The following PRKAR2B variants were observed in gnomAD, a reference collection of about 807,000 sequenced individuals.
The protein encoded by PRKAR2B is protein kinase cAMP-dependent type II regulatory subunit beta.
A neutral mutation model predicts 49.9 loss-of-function variants in PRKAR2B; 14 were observed. The observed-to-expected ratio is 0.28, with a 90% CI of 0.19 to 0.44. PRKAR2B has a LOEUF of 0.44. Ranked by LOEUF, PRKAR2B falls within the 20% of genes least tolerant of loss-of-function variation. The pLI is 1.00. For synonymous variants in PRKAR2B, 196 were observed against 197.7 expected, an observed-to-expected ratio of 0.99 and a Z score of 0.07; for missense variants, 393 against 537.9, an observed-to-expected ratio of 0.73 and a Z score of 2.67.
chr7:107,064,449 A>T (rs1794092187), intron 1 of PRKAR2B, among the ~76,000 whole-genome samples: 2 of 152,164 alleles, frequency 1.3e-5, no homozygotes, highest in African/African-American at 4.8e-5. Flanking sequence ...CACGTGTCTG[A>T]GTGGGTTGGA....
At chr7:107,098,402 C>T (rs1794889249) in intron 2 of PRKAR2B, among the ~76,000 whole-genome samples, 1 of 152,144 alleles carries the variant, frequency 6.6e-6, no homozygotes, top group South Asian at 2.1e-4. Flanking sequence ...TTCTAGTTAG[C>T]CATTTGTCTA....
chr7:107,141,938 T>C (rs940851414), intron 5 of PRKAR2B, among the ~76,000 whole-genome samples: 1 of 152,248 alleles, frequency 6.6e-6, no homozygotes, highest in Non-Finnish European at 1.5e-5. Context: ...CTTTACCTCA[T>C]CATAGAACAA....
chr7:107,101,652 G>T (rs1034612192), intron 2 of PRKAR2B, among the ~76,000 whole-genome samples: 3 of 151,988 alleles, frequency 2.0e-5, no homozygotes, highest in African/African-American at 7.3e-5. Flanking sequence ...TCGGTTTTTT[G>T]GTTTTGTTTT....
chr7:107,076,885 T>G (rs1021871110), intron 2 of PRKAR2B, among the ~76,000 whole-genome samples: 2 of 152,210 alleles, frequency 1.3e-5, no homozygotes, highest in Non-Finnish European at 2.9e-5. Context: ...AAATGATTAT[T>G]CCCCAAGAAA....
chr7:107,111,332 C>A (rs1025714055), intron 2 of PRKAR2B, among the ~76,000 whole-genome samples: 1 of 152,200 alleles, frequency 6.6e-6, no homozygotes, highest in African/African-American at 2.4e-5. Flanking sequence ...TGGGAGCTCG[C>A]CACCATGAAG....
chr7:107,050,106 GC>G (rs1793773421), intron 1 of PRKAR2B, among the ~76,000 whole-genome samples: 1 of 152,086 alleles, frequency 6.6e-6, no homozygotes, highest in African/African-American at 2.4e-5. Context: ...ATTACTTTGG[GC>G]TTTGGAAGAA....
At chr7:107,117,137 G>A (rs1240537376) in intron 2 of PRKAR2B, among the ~76,000 whole-genome samples, 1 of 146,024 alleles carries the variant, frequency 6.8e-6, no homozygotes, top group Non-Finnish European at 1.5e-5. Context: ...ACGTATATCT[G>A]TGCTTTATAA....
intron 2 of PRKAR2B, among the ~76,000 whole-genome samples, chr7:107,107,210 A>G (rs1202612506): frequency 6.6e-6 from 1 of 151,956 alleles, no homozygotes; most frequent in Non-Finnish European, 1.5e-5. Context: ...GGTGGTGGGC[A>G]CCTGTAATCC....
At chr7:107,112,902 T>A (rs887830866) in intron 2 of PRKAR2B, among the ~76,000 whole-genome samples, 3 of 152,156 alleles carry the variant, frequency 2.0e-5, no homozygotes, top group Non-Finnish European at 4.4e-5. Flanking sequence ...AGAGGCTTGA[T>A]TGAAATATGT....
chr7:107,141,438 C>T (rs1210541271), intron 5 of PRKAR2B, among the ~76,000 whole-genome samples: 1 of 152,186 alleles, frequency 6.6e-6, no homozygotes, highest in Non-Finnish European at 1.5e-5. Flanking sequence ...GGCCTGCAAT[C>T]TCAGCACTTT....
chr7:107,090,188 T>C (rs1019713001), intron 2 of PRKAR2B, among the ~76,000 whole-genome samples: 8 of 152,174 alleles, frequency 5.3e-5, no homozygotes, highest in Admixed American at 4.6e-4. Context: ...AGGGGTGCAG[T>C]TGGATTTCAG....
chr7:107,128,719 T>G (rs1464533272), intron 4 of PRKAR2B: 1 of 155,490 alleles, frequency 6.4e-6, no homozygotes, highest in Non-Finnish European at 1.4e-5. Flanking sequence ...TATATTTGAA[T>G]GTGTATAAAC....
At chr7:107,150,475 C>A (rs899508108) in intron 6 of PRKAR2B, among the ~76,000 whole-genome samples, 1 of 151,992 alleles carries the variant, frequency 6.6e-6, no homozygotes, top group Non-Finnish European at 1.5e-5. Context: ...GAGTAGCCAT[C>A]ACTTTAAGCA....
At chr7:107,146,219 T>A (rs1293903021) in intron 5 of PRKAR2B, 89 bp from the exon 6 acceptor site, 1 of 1,356,906 alleles carries the variant, frequency 7.4e-7, no homozygotes, top group African/African-American at 1.5e-5. Context: ...GAAATAAGAT[T>A]TTTATTTCAC....
chr7:107,133,455 G>A (rs1795638455), intron 4 of PRKAR2B: 1 of 152,160 alleles, frequency 6.6e-6, no homozygotes, highest in African/African-American at 2.4e-5. Flanking sequence ...TAAATAGCAA[G>A]CAAAACAATA....
chr7:107,140,334 T>C (rs1795769683), intron 4 of PRKAR2B, among the ~76,000 whole-genome samples: 1 of 152,220 alleles, frequency 6.6e-6, no homozygotes, highest in Non-Finnish European at 1.5e-5. Context: ...ATTTTTGTTT[T>C]ACTTTGTTGT....
intron 5 of PRKAR2B, among the ~76,000 whole-genome samples, chr7:107,145,809 G>A (rs567531761): frequency 7.6e-5 from 11 of 144,078 alleles, no homozygotes; most frequent in African/African-American, 2.7e-4. Context: ...GCACAATCTC[G>A]GCTCACTGCA....
intron 2 of PRKAR2B, among the ~76,000 whole-genome samples, chr7:107,097,874 G>A (rs981798709): frequency 2.0e-5 from 3 of 152,338 alleles, no homozygotes; most frequent in East Asian, 1.9e-4. Context: ...TCTGCCGAGA[G>A]ATCCACTGTT....
intron 1 of PRKAR2B, among the ~76,000 whole-genome samples, chr7:107,062,749 T>A (rs534316221): frequency 6.6e-6 from 1 of 152,198 alleles, no homozygotes; most frequent in Non-Finnish European, 1.5e-5. Context: ...ATCTTTTTTT[T>A]CCACATTTTA....
Sources: allele counts gnomAD v4.1 joint callset (sites outside exome capture counted in the v4.1 genomes callset), GRCh38; gene constraint gnomAD v4.1.1; transcripts MANE v1.5; gene names NCBI Gene and HGNC (gene_info 2026-07-23, HGNC 2026-07-21).